The following FSIP1 variants were observed in gnomAD, a reference collection of about 807,000 sequenced individuals.
FSIP1 encodes the protein fibrous sheath interacting protein 1.
Under a neutral mutation model 60.9 loss-of-function variants are expected in FSIP1, and 65 were observed. The ratio of observed to expected loss-of-function variants is 1.07; its 90% CI spans 0.87 to 1.31. The LOEUF (loss-of-function observed/expected upper bound fraction) is 1.31, where lower values mean the gene tolerates loss of function less well. FSIP1 is among the 40% of genes most tolerant of loss of function. The pLI is 0.00. For synonymous variants in FSIP1, 209 were observed against 221.2 expected, an observed-to-expected ratio of 0.94 and a Z score of 0.49; for missense variants, 675 against 665.5, an observed-to-expected ratio of 1.01 and a Z score of -0.16.
intron 1 of FSIP1, among the ~76,000 whole-genome samples, chr15:39,777,583 A>T (rs1821830142): frequency 6.6e-6 from 1 of 152,346 alleles, no homozygotes; most frequent in Middle Eastern, 3.4e-3. Flanking sequence ...CTACAGAGAC[A>T]CAGTGAGCGA....
intron 5 of FSIP1, among the ~76,000 whole-genome samples, chr15:39,751,156 G>C (rs749397953): frequency 2.6e-5 from 4 of 151,864 alleles, no homozygotes; most frequent in Non-Finnish European, 5.9e-5. Flanking sequence ...GGGAACCCTT[G>C]TATACTGTTT....
intron 11 of FSIP1, among the ~76,000 whole-genome samples, chr15:39,614,506 G>A (rs532723895): frequency 4.6e-5 from 7 of 152,166 alleles, no homozygotes; most frequent in East Asian, 1.9e-4. Flanking sequence ...TTAGCCGGGC[G>A]TGGTGGCACG....
intron 10 of FSIP1, among the ~76,000 whole-genome samples, chr15:39,641,411 G>T (rs1052392380): frequency 6.6e-6 from 1 of 152,056 alleles, no homozygotes; most frequent in Non-Finnish European, 1.5e-5. Flanking sequence ...AAAAACACAC[G>T]ACTTCCCTGG....
chr15:39,731,981 C>A (rs1896421541), intron 8 of FSIP1, among the ~76,000 whole-genome samples: 1 of 152,152 alleles, frequency 6.6e-6, no homozygotes, highest in Admixed American at 6.5e-5. Flanking sequence ...TTTTTGGCCC[C>A]AGGGACAGGT....
intron 11 of FSIP1, among the ~76,000 whole-genome samples, chr15:39,601,465 G>A (rs992948260): frequency 1.3e-5 from 2 of 152,210 alleles, no homozygotes; most frequent in African/African-American, 4.8e-5. Context: ...CGACTGGCAG[G>A]AATGGAAAAT....
chr15:39,770,635 C>A lies in FSIP1; in HGVS notation c.127-25G>T, dbSNP rs547916302. On this transcript the variant is annotated intron_variant, in intron 2 of 11. Coordinates refer to ENST00000350221, the MANE Select transcript of FSIP1 (RefSeq NM_152597.5). ...CCTAAAAATAATTTCAAAAAAAAAA[C>A]AGTTTCCGAAAATACTGTCTTTTTT... The A allele has an allele frequency of 6.3e-4, 880 of 1,393,412 alleles. 4 individuals are homozygous for A. The African/African-American group carries it at 0.01, about 16-fold the overall frequency. 86.3% of individuals were successfully genotyped at this position (1,393,412 alleles called of 1,614,324 possible). A position where few individuals can be genotyped will look rare whatever the true frequency, so the allele number is the denominator to read the frequency against.
chr15:39,607,289 G>A (rs1351094626), intron 11 of FSIP1, among the ~76,000 whole-genome samples: 1 of 152,174 alleles, frequency 6.6e-6, no homozygotes, highest in Non-Finnish European at 1.5e-5. Flanking sequence ...CAGTGACTGG[G>A]TGAGTACGTT....
intron 11 of FSIP1, among the ~76,000 whole-genome samples, chr15:39,616,108 G>A (rs1891219988): frequency 6.6e-6 from 1 of 152,072 alleles, no homozygotes; most frequent in Non-Finnish European, 1.5e-5. Context: ...AAAAATTACA[G>A]CTTGCGAAAT....
At chr15:39,643,973 T>C (rs1179929439) in intron 10 of FSIP1, among the ~76,000 whole-genome samples, 1 of 152,198 alleles carries the variant, frequency 6.6e-6, no homozygotes, top group Non-Finnish European at 1.5e-5. Flanking sequence ...GAATGTACCC[T>C]ACATAGTTTA....
intron 10 of FSIP1, among the ~76,000 whole-genome samples, chr15:39,661,998 A>T (rs1306631694): frequency 6.6e-6 from 1 of 152,124 alleles, no homozygotes; most frequent in Non-Finnish European, 1.5e-5. Flanking sequence ...TTATTAGATC[A>T]CCCCCAGAAG....
At chr15:39,606,204 A>G (rs1950213111) in intron 11 of FSIP1, among the ~76,000 whole-genome samples, 1 of 152,262 alleles carries the variant, frequency 6.6e-6, no homozygotes, top group Non-Finnish European at 1.5e-5. Flanking sequence ...TTCCTGGAAC[A>G]TGGAACATTC....
rs145780829 is a variant in FSIP1 at position 39,675,406 on chromosome 15, T to C, written c.1188+38038A>G. ...CAGATAACATGTACAAGAATGTTTA[T>C]CACAGTAGCATTCATAACGAAAATC... On this transcript the variant is annotated intron_variant, in intron 10 of 11. Coordinates refer to ENST00000350221, the MANE Select transcript of FSIP1 (RefSeq NM_152597.5). 2.0e-3 allele frequency among the ~76,000 whole-genome samples: 305 copies of C among 152,298 alleles called. 4 individuals are homozygous for C. The highest frequency in any genetic ancestry group is 8.3e-3 in the East Asian group (43 of 5,196).
At chr15:39,677,937 C>T (rs1484024174) in intron 10 of FSIP1, among the ~76,000 whole-genome samples, 1 of 150,688 alleles carries the variant, frequency 6.6e-6, no homozygotes, top group East Asian at 2.0e-4. Context: ...TGGAGGTTGC[C>T]GTGAGCCAAG....
At chr15:39,642,692 C>T (rs1238957597) in intron 10 of FSIP1, among the ~76,000 whole-genome samples, 1 of 152,150 alleles carries the variant, frequency 6.6e-6, no homozygotes, top group Non-Finnish European at 1.5e-5. Context: ...AAGGAAGATA[C>T]AAAACAAACT....
intron 5 of FSIP1, among the ~76,000 whole-genome samples, chr15:39,743,960 G>A (rs962293772): frequency 1.3e-5 from 2 of 152,278 alleles, no homozygotes; most frequent in South Asian, 2.1e-4. Context: ...TGACAATAAT[G>A]TAATGCATAG....
chr15:39,728,996 C>T (rs1317025608), intron 8 of FSIP1, among the ~76,000 whole-genome samples: 1 of 152,094 alleles, frequency 6.6e-6, no homozygotes, highest in Non-Finnish European at 1.5e-5. Context: ...AAAAAACGCT[C>T]GACATCACTA....
intron 10 of FSIP1, among the ~76,000 whole-genome samples, chr15:39,689,278 C>A (rs1027749104): frequency 2.0e-5 from 3 of 152,154 alleles, no homozygotes; most frequent in African/African-American, 4.8e-5. Flanking sequence ...GTATACCAAC[C>A]CAAAAGCTCT....
At chr15:39,689,504 A>G (rs1336519031) in intron 10 of FSIP1, among the ~76,000 whole-genome samples, 3 of 152,042 alleles carry the variant, frequency 2.0e-5, no homozygotes, top group African/African-American at 7.2e-5. Flanking sequence ...GTCACCAGTC[A>G]TCTCATTAGC....
intron 10 of FSIP1, among the ~76,000 whole-genome samples, chr15:39,673,308 G>A (rs1158869664): frequency 2.0e-5 from 3 of 151,904 alleles, no homozygotes; most frequent in Non-Finnish European, 2.9e-5. Flanking sequence ...TCCTTAGTTC[G>A]TAACACATAT....
Sources: allele counts gnomAD v4.1 joint callset (sites outside exome capture counted in the v4.1 genomes callset), GRCh38; gene constraint gnomAD v4.1.1; transcripts MANE v1.5; gene names NCBI Gene and HGNC (gene_info 2026-07-23, HGNC 2026-07-21).